DNAJB6: variants seen among roughly 807,000 people sequenced by gnomAD.
DNAJB6 encodes dnaJ homolog subfamily B member 6.
A neutral mutation model predicts 42.7 loss-of-function variants in DNAJB6; 16 were observed. The ratio of observed to expected loss-of-function variants is 0.37; its 90% CI spans 0.25 to 0.57. DNAJB6 has a LOEUF of 0.57. Among genes scored for constraint, DNAJB6 ranks in the 20% least tolerant of loss-of-function variants. The pLI is 0.74. For synonymous variants in DNAJB6, 170 were observed against 163.5 expected (o/e 1.04, Z -0.30); for missense variants, 347 against 416.8 (o/e 0.83, Z 1.46).
intron 3 of DNAJB6, among the ~76,000 whole-genome samples, chr7:157,365,206 G>T (rs554071409): frequency 4.5e-4 from 68 of 152,356 alleles, no homozygotes; most frequent in African/African-American, 1.6e-3. Flanking sequence ...CACCTTCCTT[G>T]CCCACGCAAA....
intron 8 of DNAJB6, among the ~76,000 whole-genome samples, chr7:157,399,784 T>C (rs1801763016): frequency 6.6e-6 from 1 of 152,192 alleles, no homozygotes; most frequent in African/African-American, 2.4e-5. Context: ...TTCTCCTGCC[T>C]TAGCCTCTGG....
At position 157,359,146 on chromosome 7, in the gene DNAJB6, T is replaced by G. The variant is rs1457157702; in HGVS notation, c.65+509T>G. Among the ~76,000 whole-genome samples, 11 of 152,226 alleles carry G rather than the reference T, an allele frequency of 7.2e-5. No individual in the cohort carries two copies. The East Asian group carries it at 2.1e-3, about 29-fold the overall frequency. On this transcript the variant is annotated intron_variant, in intron 2 of 9. Coordinates refer to ENST00000262177, the MANE Select transcript of DNAJB6 (RefSeq NM_058246.4). ...GTTCAGCCACAGAAGGCTCTCACGG[T>G]AACCTTAGTCTGTTTAATTAATGAG... is the stretch of plus-strand genomic sequence containing the variant.
At chr7:157,360,834 C>T (rs1236612150) in intron 2 of DNAJB6, among the ~76,000 whole-genome samples, 1 of 152,206 alleles carries the variant, frequency 6.6e-6, no homozygotes, top group Non-Finnish European at 1.5e-5. Flanking sequence ...AGTCACACAC[C>T]ATGGGCCTTC....
chr7:157,358,717 T>C, intron 2 of DNAJB6, 80 bp downstream of exon 2: 1 of 1,156,728 alleles, frequency 8.6e-7, no homozygotes, highest in Non-Finnish European at 1.3e-6. Flanking sequence ...TTCTATTGCC[T>C]ATGAAAATGG....
chr7:157,416,494 C>T lies in DNAJB6; in HGVS notation c.*396C>T, dbSNP rs933536433. 7 of 187,772 alleles carry T rather than the reference C, an allele frequency of 3.7e-5. No homozygotes were observed. The highest frequency in any genetic ancestry group is 1.7e-4 in the Admixed American group (3 of 17,452). 11.6% of individuals were successfully genotyped at this position (187,772 alleles called of 1,614,324 possible). A position where few individuals can be genotyped will look rare whatever the true frequency, so the allele number is the denominator to read the frequency against. ...ATTCATGAAATGAGGCTTTCTGTGGCGGCGTAGTGTTTGGAATTAGAAGGT... is the reference window on the plus strand; with the variant it reads ...ATTCATGAAATGAGGCTTTCTGTGGTGGCGTAGTGTTTGGAATTAGAAGGT... On this transcript the variant is annotated 3_prime_UTR_variant, in exon 10 of 10. Coordinates refer to ENST00000262177, the MANE Select transcript of DNAJB6 (RefSeq NM_058246.4).
intron 1 of DNAJB6, among the ~76,000 whole-genome samples, chr7:157,338,376 C>T (rs985045970): frequency 5.3e-5 from 8 of 151,820 alleles, no homozygotes; most frequent in African/African-American, 1.5e-4. Flanking sequence ...TTCTGTTGCC[C>T]AGGCCAGAGT....
chr7:157,393,334 T>C (rs1399747210), intron 8 of DNAJB6, among the ~76,000 whole-genome samples: 6 of 152,244 alleles, frequency 3.9e-5, no homozygotes, highest in African/African-American at 1.4e-4. Context: ...GAAAACTCTA[T>C]AAATTTTCTA....
chr7:157,367,738 A>G (rs952701869), intron 5 of DNAJB6, among the ~76,000 whole-genome samples: 1 of 152,128 alleles, frequency 6.6e-6, no homozygotes, highest in Non-Finnish European at 1.5e-5. Flanking sequence ...GCATGCCTGT[A>G]ATCCCAGCTA....
At chr7:157,395,507 T>C (rs1584937993) in intron 8 of DNAJB6, among the ~76,000 whole-genome samples, 1 of 152,126 alleles carries the variant, frequency 6.6e-6, no homozygotes, top group Non-Finnish European at 1.5e-5. Flanking sequence ...ATCTGGGTGG[T>C]GTATGCCTTC....
At chr7:157,369,102 C>G (rs1799984848) in intron 5 of DNAJB6, 4 of 365,246 alleles carry the variant, frequency 1.1e-5, no homozygotes, top group South Asian at 6.2e-5. Context: ...TTCAGGGAAA[C>G]TGAAGCTGAG....
In DNAJB6 at chr7:157,363,303, G is replaced by A. The variant is rs750442450; in HGVS notation, c.175+33G>A. ...ACAGCGAGCTGCTGAAGGACCCTGAGCGGGCATGCCGGAATGCGGAGTGGG... is the reference window on the plus strand; with the variant it reads ...ACAGCGAGCTGCTGAAGGACCCTGAACGGGCATGCCGGAATGCGGAGTGGG... On this transcript the variant is annotated intron_variant, in intron 3 of 9. Coordinates refer to ENST00000262177, the MANE Select transcript of DNAJB6 (RefSeq NM_058246.4). 14 of 1,483,634 alleles carry A rather than the reference G, an allele frequency of 9.4e-6. No homozygotes were observed. In the South Asian group the frequency reaches 1.5e-4, roughly 16 times the overall value. The allele number at this position is 1,483,634 out of a possible 1,614,324, so 91.9% of individuals were successfully genotyped here. A position where few individuals can be genotyped will look rare whatever the true frequency, so the allele number is the denominator to read the frequency against.
chr7:157,346,263 T>C (rs922463973), intron 1 of DNAJB6, among the ~76,000 whole-genome samples: 6 of 146,076 alleles, frequency 4.1e-5, no homozygotes, highest in East Asian at 2.0e-4. Context: ...TAAATGATAT[T>C]AGGCTACTCC....
chr7:157,402,627 G>A (rs1234426417), intron 8 of DNAJB6, among the ~76,000 whole-genome samples: 1 of 152,272 alleles, frequency 6.6e-6, no homozygotes, highest in Non-Finnish European at 1.5e-5. Flanking sequence ...CCCAGGGGAG[G>A]GCTGTGGGAG....
At chr7:157,343,284 C>T (rs139482168) in intron 1 of DNAJB6, among the ~76,000 whole-genome samples, 111 of 152,016 alleles carry the variant, frequency 7.3e-4, no homozygotes, top group Non-Finnish European at 9.0e-4. Context: ...CTCAGGCTGC[C>T]GAGTAGCTGG....
intron 3 of DNAJB6, 136 bp downstream of exon 3, chr7:157,363,406 C>T: frequency 3.5e-6 from 2 of 564,300 alleles, no homozygotes; most frequent in Non-Finnish European, 6.5e-6. Flanking sequence ...TTGGGCCCTT[C>T]TAAGAGATTT....
intron 1 of DNAJB6, among the ~76,000 whole-genome samples, chr7:157,345,645 C>T (rs887395226): frequency 2.0e-5 from 3 of 152,132 alleles, no homozygotes; most frequent in Admixed American, 6.6e-5. Flanking sequence ...TTGTCTGTTT[C>T]GGCTTTTGTT....
chr7:157,346,421 T>A (rs1181180821), intron 1 of DNAJB6, among the ~76,000 whole-genome samples: 2 of 152,086 alleles, frequency 1.3e-5, no homozygotes. Flanking sequence ...CCTAGTTTTA[T>A]ATCTTGATTA....
At position 157,385,100 on chromosome 7, in the gene DNAJB6, GGTT is replaced by G. The variant is rs1290689476; in HGVS notation, c.620+98_620+100del. The G allele has an allele frequency of 4.5e-6, 6 of 1,339,108 alleles. No individual in the cohort carries two copies. The East Asian group carries it at 1.4e-4, about 32-fold the overall frequency. The allele number at this position is 1,339,108 out of a possible 1,614,324, so 83.0% of individuals were successfully genotyped here. A position where few individuals can be genotyped will look rare whatever the true frequency, so the allele number is the denominator to read the frequency against. ...CACGTCTCCCAGAGTGTGAAGTAGA[GGTT>G]GTTGTATGCTAAATCTGGCGCCATG... On this transcript the variant is annotated intron_variant, in intron 7 of 9. Coordinates refer to ENST00000262177, the MANE Select transcript of DNAJB6 (RefSeq NM_058246.4).
At chr7:157,364,022 TA>T in intron 3 of DNAJB6, among the ~76,000 whole-genome samples, 2 of 152,276 alleles carry the variant, frequency 1.3e-5, no homozygotes, top group South Asian at 4.1e-4. Flanking sequence ...AGGGATGGAC[TA>T]ACTGAACCCT....
Sources: gnomAD v4.1 joint callset for allele counts (sites outside exome capture counted in the v4.1 genomes callset) on GRCh38, gnomAD v4.1.1 for gene constraint, MANE v1.5 for transcripts, NCBI Gene and HGNC (gene_info 2026-07-23, HGNC 2026-07-21) for gene names.